The following HELZ variants were observed in gnomAD, a reference collection of about 807,000 sequenced individuals.
The protein encoded by HELZ is ATP-dependent RNA helicase with zinc finger domain.
Under a neutral mutation model 218.2 loss-of-function variants are expected in HELZ, and 23 were observed. The ratio of observed to expected loss-of-function variants is 0.11; its 90% CI spans 0.08 to 0.15. The LOEUF is 0.15. Ranked by LOEUF, HELZ falls within the 10% of genes least tolerant of loss-of-function variation. The pLI is 1.00. For synonymous variants in HELZ, 814 were observed against 829.4 expected (o/e 0.98, Z 0.32); for missense variants, 1,813 against 2,353.7 (o/e 0.77, Z 4.75).
intron 1 of HELZ, chr17:67,244,656 C>A: frequency 1.0e-6 from 1 of 971,916 alleles, no homozygotes; most frequent in Non-Finnish European, 1.2e-6. Context: ...CACGCCTGAC[C>A]CACTTTTCCC....
At chr17:67,137,082 G>A (rs2038177035) in intron 22 of HELZ, among the ~76,000 whole-genome samples, 1 of 152,046 alleles carries the variant, frequency 6.6e-6, no homozygotes, top group Admixed American at 6.6e-5. Flanking sequence ...TGGCCAACGA[G>A]GGCACGCACA....
At chr17:67,142,194 C>T (rs2038348691) in intron 21 of HELZ, among the ~76,000 whole-genome samples, 1 of 151,984 alleles carries the variant, frequency 6.6e-6, no homozygotes, top group Non-Finnish European at 1.5e-5. Flanking sequence ...CCAACCATAT[C>T]AGTAACATTA....
At chr17:67,158,238 G>A (rs2038899369) in intron 17 of HELZ, among the ~76,000 whole-genome samples, 1 of 152,112 alleles carries the variant, frequency 6.6e-6, no homozygotes, top group African/African-American at 2.4e-5. Flanking sequence ...AACTCTTCAT[G>A]AGCCTTGCTC....
At chr17:67,162,360 A>G (rs979000558) in intron 15 of HELZ, among the ~76,000 whole-genome samples, 9 of 152,184 alleles carry the variant, frequency 5.9e-5, no homozygotes, top group Non-Finnish European at 1.0e-4. Flanking sequence ...AATCATGCCA[A>G]TATTTTTTCT....
chr17:67,198,972 A>T (rs117239395), intron 7 of HELZ, among the ~76,000 whole-genome samples: 2,513 of 152,314 alleles, frequency 0.016, 24 homozygotes, highest in South Asian at 0.025. Context: ...ATGCAACAGG[A>T]TTATAAACAT....
intron 3 of HELZ, among the ~76,000 whole-genome samples, chr17:67,229,572 C>T (rs2040982803): frequency 1.3e-5 from 2 of 152,290 alleles, no homozygotes; most frequent in African/African-American, 2.4e-5. Flanking sequence ...CCCATGACAA[C>T]CATTCAATTC....
At chr17:67,119,082 C>T (rs2037518894) in intron 27 of HELZ, among the ~76,000 whole-genome samples, 2 of 152,070 alleles carry the variant, frequency 1.3e-5, no homozygotes, top group Admixed American at 6.5e-5. Flanking sequence ...ATGGTTCAGC[C>T]ACTTTTGAAA....
At position 67,245,131 on chromosome 17, in the gene HELZ, G is replaced by A; in HGVS notation, c.-132+17C>T. The A allele has an allele frequency of 6.1e-6, 6 of 985,062 alleles. No individual in the cohort carries two copies. In the South Asian group the frequency reaches 1.9e-4, roughly 31 times the overall value. 61.0% of individuals were successfully genotyped at this position (985,062 alleles called of 1,614,324 possible). On this transcript the variant is annotated intron_variant, in intron 1 of 32. Coordinates refer to ENST00000358691, the MANE Select transcript of HELZ (RefSeq NM_014877.4). ...GGAGCGGCCCCAGGAGCAGAGAAGGGGGAAGTCAGGACTTACCTGTCATTA... is the reference window on the plus strand; with the variant it reads ...GGAGCGGCCCCAGGAGCAGAGAAGGAGGAAGTCAGGACTTACCTGTCATTA...
chr17:67,081,019 A>G (rs1054367666), intron 32 of HELZ, among the ~76,000 whole-genome samples: 2 of 152,232 alleles, frequency 1.3e-5, no homozygotes, highest in Non-Finnish European at 2.9e-5. Context: ...TGGCTAAGTA[A>G]CTAAATTTGG....
At chr17:67,119,936 A>G (rs1041398375) in intron 27 of HELZ, 7 of 416,038 alleles carry the variant, frequency 1.7e-5, no homozygotes, top group Admixed American at 3.0e-5. Context: ...CTGTGTACAT[A>G]ATTTGTATCT....
At chr17:67,089,644 A>C (rs2036499279) in intron 31 of HELZ, among the ~76,000 whole-genome samples, 1 of 73,392 alleles carries the variant, frequency 1.4e-5, no homozygotes, top group Non-Finnish European at 2.7e-5. Context: ...TCTATTGGAG[A>C]TTTTATATAT....
Position 67,132,218 on chromosome 17 carries a change from C to CTGTGTGTGTGTGTG in HELZ, c.3183-3377_3183-3364dup, listed in dbSNP as rs57691319. On this transcript the variant is annotated intron_variant, in intron 23 of 32. Coordinates refer to ENST00000358691, the MANE Select transcript of HELZ (RefSeq NM_014877.4). ...AAAATCACTTGGTGTCCTTAGGTCA[C>CTGTGTGTGTGTGTG]TGTGTGTGTGTGTGTGTGTGTGTGT... 6.3e-3 allele frequency among the ~76,000 whole-genome samples: 930 copies of CTGTGTGTGTGTGTG among 147,958 alleles called. 13 individuals are homozygous for CTGTGTGTGTGTGTG. Among genetic ancestry groups the CTGTGTGTGTGTGTG allele is most frequent in the African/African-American group, 0.021 (842 of 40,602 alleles).
At chr17:67,179,653 T>C (rs903104943) in intron 12 of HELZ, 6 of 152,084 alleles carry the variant, frequency 3.9e-5, no homozygotes, top group Admixed American at 3.9e-4. Flanking sequence ...TAACATAAAC[T>C]CTGAGCACTG....
chr17:67,130,658 G>T (rs150344509), intron 23 of HELZ, among the ~76,000 whole-genome samples: 2 of 152,124 alleles, frequency 1.3e-5, no homozygotes, highest in African/African-American at 4.8e-5. Context: ...TAGCACTCAG[G>T]ATCTAAAATC....
At chr17:67,163,901 T>C (rs1215627217) in intron 15 of HELZ, among the ~76,000 whole-genome samples, 2 of 152,184 alleles carry the variant, frequency 1.3e-5, no homozygotes, top group African/African-American at 4.8e-5. Flanking sequence ...TACAGTGGTA[T>C]AAAAATCTTT....
intron 13 of HELZ, among the ~76,000 whole-genome samples, chr17:67,174,562 G>A (rs1188247939): frequency 6.6e-6 from 1 of 152,172 alleles, no homozygotes; most frequent in African/African-American, 2.4e-5. Flanking sequence ...ACTTTGGTAG[G>A]CCGAGGCGGG....
chr17:67,192,901 T>C (rs2039933620), intron 9 of HELZ, among the ~76,000 whole-genome samples: 2 of 152,266 alleles, frequency 1.3e-5, no homozygotes, highest in African/African-American at 4.8e-5. Flanking sequence ...TTATGAATTA[T>C]TCATAAATTC....
rs188887070 is a variant in HELZ, at chr17:67,157,443, C to T, written c.2177+2818G>A. ...TTTCTTGAAAGCATAATATTCTAGT[C>T]CCAACTTTTAAAAGATTTTAAAATA... On this transcript the variant is annotated intron_variant, in intron 17 of 32. Transcript: ENST00000358691. Among the ~76,000 whole-genome samples, 184 of 152,290 alleles carry T rather than the reference C, an allele frequency of 1.2e-3. No homozygotes were observed. The East Asian group carries it at 0.013, about 10-fold the overall frequency.
intron 12 of HELZ, among the ~76,000 whole-genome samples, chr17:67,187,500 G>A (rs1345941015): frequency 6.6e-6 from 1 of 152,080 alleles, no homozygotes; most frequent in African/African-American, 2.4e-5. Context: ...CTCATGAATG[G>A]GACATTATGG....
Sources: gnomAD v4.1 joint callset for allele counts (sites outside exome capture counted in the v4.1 genomes callset) on GRCh38, gnomAD v4.1.1 for gene constraint, MANE v1.5 for transcripts, NCBI Gene and HGNC (gene_info 2026-07-23, HGNC 2026-07-21) for gene names.